The following ENPP2 variants were observed in gnomAD, a reference collection of about 807,000 sequenced individuals.
ENPP2 encodes the protein ectonucleotide pyrophosphatase/phosphodiesterase 2, also known as autotaxin.
Under a neutral mutation model 120.2 loss-of-function variants are expected in ENPP2, and 51 were observed. That is an observed-to-expected ratio of 0.42 (90% confidence interval 0.34 to 0.54). The LOEUF (loss-of-function observed/expected upper bound fraction) is 0.54, where lower values mean the gene tolerates loss of function less well. Ranked by LOEUF, ENPP2 falls within the 20% of genes least tolerant of loss-of-function variation. ENPP2 has a pLI of 0.04. For missense variants in ENPP2, 920 were observed against 1,066.5 expected (o/e 0.86, Z 1.91); for synonymous variants, 365 against 366.4 (o/e 1.00, Z 0.04).
chr8:119,657,299 T>C (rs1817793934), intron 1 of ENPP2, among the ~76,000 whole-genome samples: 2 of 152,184 alleles, frequency 1.3e-5, no homozygotes, highest in African/African-American at 4.8e-5. Flanking sequence ...ACATAGTCTG[T>C]GGTAGAGAAA....
intron 1 of ENPP2, among the ~76,000 whole-genome samples, chr8:119,672,312 T>C (rs1348180788): frequency 6.6e-6 from 1 of 152,198 alleles, no homozygotes; most frequent in Non-Finnish European, 1.5e-5. Context: ...GGGTATGTGA[T>C]AAATACATAA....
At chr8:119,565,756 T>G (rs192516515) in intron 22 of ENPP2, among the ~76,000 whole-genome samples, 109 of 152,278 alleles carry the variant, frequency 7.2e-4, no homozygotes, top group Non-Finnish European at 1.3e-4. Flanking sequence ...CACAAAAGAC[T>G]ATTCCCTGGG....
chr8:119,617,142 T>C, intron 7 of ENPP2, 22 bp downstream of exon 7: 1 of 1,469,386 alleles, frequency 6.8e-7, no homozygotes. Flanking sequence ...TTTGAATGTG[T>C]ATCATTCGAA....
chr8:119,560,095 A>G (rs902785110), intron 24 of ENPP2, among the ~76,000 whole-genome samples: 1 of 152,156 alleles, frequency 6.6e-6, no homozygotes, highest in African/African-American at 2.4e-5. Flanking sequence ...AAAACTCCCC[A>G]TCACCAAATT....
At chr8:119,627,495 T>C (rs1274222804) in intron 2 of ENPP2, among the ~76,000 whole-genome samples, 1 of 152,094 alleles carries the variant, frequency 6.6e-6, no homozygotes, top group Non-Finnish European at 1.5e-5. Flanking sequence ...GGTATTTTAT[T>C]TGGTATAAAT....
At chr8:119,626,483 GT>G (rs1368006177) in intron 3 of ENPP2, 81 bp downstream of exon 3, 2 of 1,078,412 alleles carry the variant, frequency 1.9e-6, no homozygotes, top group African/African-American at 3.5e-5. Context: ...CCAAAGCAGG[GT>G]GGCCACTCCA....
chr8:119,614,216 C>T (rs1815309565), intron 8 of ENPP2, among the ~76,000 whole-genome samples: 1 of 151,874 alleles, frequency 6.6e-6, no homozygotes, highest in South Asian at 2.1e-4. Flanking sequence ...CAGGTGCCTG[C>T]CACCACACCT....
At chr8:119,621,367 C>T (rs1234512300) in intron 4 of ENPP2, 27 bp downstream of exon 4, 3 of 1,609,942 alleles carry the variant, frequency 1.9e-6, no homozygotes, top group Non-Finnish European at 2.5e-6. Flanking sequence ...TCTTTTAAAG[C>T]TCAGGCCAAT....
chr8:119,667,999 T>A (rs1344028854), intron 1 of ENPP2, among the ~76,000 whole-genome samples: 1 of 152,080 alleles, frequency 6.6e-6, no homozygotes, highest in Non-Finnish European at 1.5e-5. Flanking sequence ...ACCTTCACCT[T>A]CCTCATCTTT....
intron 1 of ENPP2, among the ~76,000 whole-genome samples, chr8:119,665,673 T>C (rs1048206057): frequency 2.0e-5 from 3 of 152,228 alleles, no homozygotes; most frequent in Non-Finnish European, 4.4e-5. Flanking sequence ...GGCACCTTCA[T>C]TAATTTATAG....
chr8:119,620,662 A>T (rs957822171), intron 4 of ENPP2, among the ~76,000 whole-genome samples: 9 of 152,206 alleles, frequency 5.9e-5, no homozygotes, highest in African/African-American at 2.2e-4. Flanking sequence ...GGCAACTTAA[A>T]CCCATTAAAG....
At chr8:119,590,474 T>C in intron 13 of ENPP2, 31 bp downstream of exon 13, 1 of 1,557,262 alleles carries the variant, frequency 6.4e-7, no homozygotes, top group Non-Finnish European at 8.7e-7. Flanking sequence ...ATTACCACTC[T>C]AACCACTTAA....
chr8:119,615,164 G>A (rs1815375046), intron 8 of ENPP2, among the ~76,000 whole-genome samples: 1 of 152,164 alleles, frequency 6.6e-6, no homozygotes, highest in South Asian at 2.1e-4. Flanking sequence ...AGGCATGGTG[G>A]ATACATGGAT....
chr8:119,576,699 A>T (rs895831716), intron 19 of ENPP2, among the ~76,000 whole-genome samples: 2 of 152,142 alleles, frequency 1.3e-5, no homozygotes, highest in East Asian at 3.9e-4. Context: ...GAGATTTTTT[A>T]AATTTTCTTT....
chr8:119,641,565 C>T (rs922779114), upstream of ENPP2, among the ~76,000 whole-genome samples: 5 of 152,182 alleles, frequency 3.3e-5, no homozygotes, highest in Admixed American at 6.5e-5. Context: ...GAGAACACTG[C>T]CCCCTGGCAG....
chr8:119,618,812 G>T (rs911800321), intron 5 of ENPP2, among the ~76,000 whole-genome samples: 2 of 151,946 alleles, frequency 1.3e-5, no homozygotes, highest in Non-Finnish European at 2.9e-5. Flanking sequence ...GGGATTACAG[G>T]TGTGTAATCA....
intron 2 of ENPP2, among the ~76,000 whole-genome samples, chr8:119,638,210 T>C (rs1817122127): frequency 6.6e-6 from 1 of 152,204 alleles, no homozygotes; most frequent in South Asian, 2.1e-4. Context: ...AAAATGGAAA[T>C]AGCCAGTTAT....
chr8:119,651,349 A>C (rs1265302320), intron 1 of ENPP2, among the ~76,000 whole-genome samples: 1 of 152,228 alleles, frequency 6.6e-6, no homozygotes, highest in African/African-American at 2.4e-5. Context: ...AATTGTTTGC[A>C]CTTTGCCAGG....
intron 2 of ENPP2, among the ~76,000 whole-genome samples, chr8:119,628,996 C>T (rs1377236524): frequency 6.6e-6 from 1 of 152,120 alleles, no homozygotes; most frequent in African/African-American, 2.4e-5. Flanking sequence ...TTTTTGTTTG[C>T]TTACTTACTT....
Sources: gnomAD v4.1 joint callset for allele counts (sites outside exome capture counted in the v4.1 genomes callset) on GRCh38, gnomAD v4.1.1 for gene constraint, MANE v1.5 for transcripts, NCBI Gene and HGNC (gene_info 2026-07-23, HGNC 2026-07-21) for gene names.